The following TENM3 variants were observed in gnomAD, a reference collection of about 807,000 sequenced individuals.
TENM3 encodes teneurin transmembrane protein 3, also known as teneurin-3.
A neutral mutation model predicts 255.1 loss-of-function variants in TENM3; 63 were observed. The observed-to-expected ratio is 0.25, with a 90% CI of 0.20 to 0.30. TENM3 has a LOEUF of 0.30. Ranked by LOEUF, TENM3 falls within the 10% of genes least tolerant of loss-of-function variation. TENM3 has a pLI of 1.00. For synonymous variants in TENM3, 1,306 were observed against 1,322.3 expected, an observed-to-expected ratio of 0.99 and a Z score of 0.27; for missense variants, 2,929 against 3,461.1, an observed-to-expected ratio of 0.85 and a Z score of 3.86.
At chr4:182,154,138 T>TC (rs1442261052) in intron 1 of TENM3, among the ~76,000 whole-genome samples, 6 of 152,052 alleles carry the variant, frequency 3.9e-5, no homozygotes, top group Non-Finnish European at 7.4e-5. Context: ...ATGCTTTTTT[T>TC]CTTTTTTTTT....
chr4:182,524,695 T>C (rs894419099), intron 3 of TENM3, among the ~76,000 whole-genome samples: 3 of 151,746 alleles, frequency 2.0e-5, no homozygotes, highest in Admixed American at 2.0e-4. Context: ...CTCATATTTG[T>C]AAATCCAAAC....
At chr4:182,045,275 A>T in the TENM3 span, among the ~76,000 whole-genome samples, 2 of 152,002 alleles carry the variant, frequency 1.3e-5, no homozygotes, top group East Asian at 3.9e-4. Context: ...AATCCTGAGG[A>T]GGGTCTGTAC....
At chr4:181,902,927 C>T in the TENM3 span, among the ~76,000 whole-genome samples, 60 of 152,222 alleles carry the variant, frequency 3.9e-4, no homozygotes, top group African/African-American at 1.4e-3. Context: ...AAGTAGCATT[C>T]GTTGTAGAAT....
chr4:181,828,414 T>C, the TENM3 span, among the ~76,000 whole-genome samples: 3 of 152,222 alleles, frequency 2.0e-5, no homozygotes, highest in Non-Finnish European at 4.4e-5. Context: ...CTTTACTGTT[T>C]ACAAAGCCCA....
intron 1 of TENM3, among the ~76,000 whole-genome samples, chr4:182,260,045 A>G (rs905382788): frequency 1.3e-5 from 2 of 152,074 alleles, no homozygotes; most frequent in African/African-American, 4.8e-5. Flanking sequence ...AGTTCCATCC[A>G]TGTTGCTGCA....
rs538017231 is a variant in TENM3, at chr4:182,729,908, CAG to C, written c.2586-289_2586-288del. ...ATATATATGACTTATGAAAAAAGCA[CAG>C]AGTTTATCATTTTAAAAATTCATCT... is the stretch of plus-strand genomic sequence containing the variant. On this transcript the variant is annotated intron_variant, in intron 14 of 27. Coordinates refer to ENST00000511685, the MANE Select transcript of TENM3 (RefSeq NM_001080477.4). 6.8e-4 allele frequency among the ~76,000 whole-genome samples: 103 copies of C among 152,248 alleles called. 1 individual carries two copies. The South Asian group carries it at 0.021, about 31-fold the overall frequency.
At chr4:182,751,273 A>C (rs1762352880) in intron 19 of TENM3, among the ~76,000 whole-genome samples, 1 of 151,964 alleles carries the variant, frequency 6.6e-6, no homozygotes, top group Non-Finnish European at 1.5e-5. Flanking sequence ...CTGGATTATG[A>C]TAGAGCAACC....
intron 3 of TENM3, among the ~76,000 whole-genome samples, chr4:182,577,267 A>G (rs1745026082): frequency 6.6e-6 from 1 of 152,230 alleles, no homozygotes; most frequent in African/African-American, 2.4e-5. Context: ...GGCAATAAAT[A>G]TAGTGTAGTA....
At chr4:182,689,231 C>A (rs1323480503) in intron 12 of TENM3, among the ~76,000 whole-genome samples, 1 of 152,170 alleles carries the variant, frequency 6.6e-6, no homozygotes, top group Non-Finnish European at 1.5e-5. Context: ...TATTTCTCCA[C>A]ATTGTTTTAC....
At chr4:182,040,287 GGGAGA>G in the TENM3 span, among the ~76,000 whole-genome samples, 1 of 145,584 alleles carries the variant, frequency 6.9e-6, no homozygotes, top group Non-Finnish European at 1.5e-5. Flanking sequence ...GGGAGGAGAG[GGGAGA>G]GGAGAGGAGA....
intron 3 of TENM3, among the ~76,000 whole-genome samples, chr4:182,393,353 G>T (rs1580396518): frequency 6.6e-6 from 1 of 152,206 alleles, no homozygotes; most frequent in South Asian, 2.1e-4. Flanking sequence ...CTTTTCACCC[G>T]CCATAATATA....
chr4:181,677,195 T>G, the TENM3 span, among the ~76,000 whole-genome samples: 1 of 152,090 alleles, frequency 6.6e-6, no homozygotes, highest in Non-Finnish European at 1.5e-5. Flanking sequence ...TTCACAAATT[T>G]TATCTCCAGT....
intron 1 of TENM3, among the ~76,000 whole-genome samples, chr4:182,173,509 G>T (rs1752241567): frequency 6.6e-6 from 1 of 152,178 alleles, no homozygotes; most frequent in Non-Finnish European, 1.5e-5. Flanking sequence ...AAAAAGATGA[G>T]GAATGGGAGT....
intron 12 of TENM3, among the ~76,000 whole-genome samples, chr4:182,711,334 G>A (rs1171927395): frequency 6.6e-6 from 1 of 152,196 alleles, no homozygotes; most frequent in Non-Finnish European, 1.5e-5. Flanking sequence ...AATAATCTGT[G>A]AAAAGTAGTG....
In TENM3 at chr4:182,680,379, GAT is replaced by G. The variant is rs760624782; in HGVS notation, c.1639+34_1639+35del. ...GCAAGTTAGATTCTTCTCTTAAGCC[GAT>G]ATAAATAAGCTGTAGAAACACAAGT... is the stretch of plus-strand genomic sequence containing the variant. On this transcript the variant is annotated intron_variant, in intron 9 of 27. Coordinates refer to ENST00000511685, the MANE Select transcript of TENM3 (RefSeq NM_001080477.4). 4 of 1,469,608 alleles carry G rather than the reference GAT, an allele frequency of 2.7e-6. No individual in the cohort carries two copies. In the African/African-American group the frequency reaches 4.2e-5, roughly 15 times the overall value. The allele number at this position is 1,469,608 out of a possible 1,614,324, so 91.0% of individuals were successfully genotyped here. A position where few individuals can be genotyped will look rare whatever the true frequency, so the allele number is the denominator to read the frequency against.
chr4:181,791,220 A>G, the TENM3 span, among the ~76,000 whole-genome samples: 1 of 152,098 alleles, frequency 6.6e-6, no homozygotes, highest in Admixed American at 6.6e-5. Flanking sequence ...GCAGCTACTC[A>G]AGTTCTGGTC....
rs115116009 is a variant in TENM3, at chr4:182,642,290, T to C, written c.989-11481T>C. 9.9e-3 allele frequency among the ~76,000 whole-genome samples: 1,515 copies of C among 152,298 alleles called. 31 individuals are homozygous for C. The highest frequency in any genetic ancestry group is 0.034 in the African/African-American group (1,410 of 41,566). On this transcript the variant is annotated intron_variant, in intron 5 of 27. Transcript: ENST00000511685. ...CAGGAAAACAGTCTGTTTTAGAAAT[T>C]CTAACTTAATTCTCTCTGTGACAGA...
chr4:182,284,631 G>A (rs1760611670), intron 1 of TENM3, among the ~76,000 whole-genome samples: 1 of 152,138 alleles, frequency 6.6e-6, no homozygotes, highest in Admixed American at 6.6e-5. Flanking sequence ...GCTGTCAGGA[G>A]AAGCGTGTCA....
At chr4:181,796,827 G>T in the TENM3 span, among the ~76,000 whole-genome samples, 1 of 152,190 alleles carries the variant, frequency 6.6e-6, no homozygotes, top group East Asian at 1.9e-4. Flanking sequence ...AAAGGGTGGT[G>T]TTGCATCACC....
Sources: gnomAD v4.1 joint callset for allele counts (sites outside exome capture counted in the v4.1 genomes callset) on GRCh38, gnomAD v4.1.1 for gene constraint, MANE v1.5 for transcripts, NCBI Gene and HGNC (gene_info 2026-07-23, HGNC 2026-07-21) for gene names.